Variants in HIVEP3 observed in about 807,000 individuals in gnomAD.
HIVEP3 encodes the protein transcription factor HIVEP3.
Under a neutral mutation model 152.8 loss-of-function variants are expected in HIVEP3, and 49 were observed. That is an observed-to-expected ratio of 0.32 (90% CI 0.26 to 0.41). The LOEUF is 0.41. HIVEP3 is among the 10% of genes least tolerant of loss of function. The pLI, the probability that HIVEP3 is intolerant of heterozygous loss-of-function variation, is 1.00. For missense variants in HIVEP3, 2,790 were observed against 3,103.3 expected, an observed-to-expected ratio of 0.90 and a Z score of 2.40; for synonymous variants, 1,269 against 1,289.0, an observed-to-expected ratio of 0.98 and a Z score of 0.33.
At chr1:41,910,324 A>C (rs1415271987) in intron 1 of HIVEP3, among the ~76,000 whole-genome samples, 1 of 152,018 alleles carries the variant, frequency 6.6e-6, no homozygotes, top group Admixed American at 6.5e-5. Context: ...AATATGGATA[A>C]ATTTCTAGAA....
In HIVEP3 at chr1:41,918,896, T is replaced by C. The variant is rs757144396; in HGVS notation, c.-1284A>G. Among the ~76,000 whole-genome samples, 1 of 152,194 alleles carries C rather than the reference T, an allele frequency of 6.6e-6. No individual in the cohort carries two copies. The highest frequency in any genetic ancestry group is 1.5e-5 in the Non-Finnish European group (1 of 68,040). ...AATCCAGAGCCAACCCATGCCTCGC[T>C]TGTCTTTTCCACTAGGAGTCCAGAC... On this transcript the variant is annotated 5_prime_UTR_variant, in exon 1 of 9. Transcript: ENST00000372583. The surrounding 1 kb of genome is among the most constrained non-coding windows in gnomAD (Gnocchi z 4.3).
chr1:41,722,403 GCCTTCCTT>G lies in HIVEP3; in HGVS notation c.-800-21416_-800-21409del, dbSNP rs374319014. On this transcript the variant is annotated intron_variant, in intron 1 of 8. Transcript: ENST00000372583. The stretch of plus-strand genomic sequence containing the variant: ...GAGATCAGCAAAATAAATTTGGCTG[GCCTTCCTT>G]CCTTCCTTCCTTCCTTCCTTCCTTC... 2.6e-3 allele frequency among the ~76,000 whole-genome samples: 298 copies of G among 113,034 alleles called. 4 individuals are homozygous for G. Among genetic ancestry groups the G allele is most frequent in the Middle Eastern group, 7.9e-3 (2 of 252 alleles). 74.2% of individuals were successfully genotyped at this position (113,034 alleles called of 152,430 possible). A position where few individuals can be genotyped will look rare whatever the true frequency, so the allele number is the denominator to read the frequency against.
chr1:41,524,958 C>A, intron 5 of HIVEP3, 48 bp from the exon 6 acceptor site: 1 of 1,551,032 alleles, frequency 6.4e-7, no homozygotes. Context: ...GGAGAAGAGG[C>A]AGGTTCCCAC....
chr1:41,723,420 C>T (rs986463856), intron 1 of HIVEP3, among the ~76,000 whole-genome samples: 1 of 151,556 alleles, frequency 6.6e-6, no homozygotes, highest in Admixed American at 6.6e-5. Context: ...GTTCTGGTTC[C>T]ATCACAAGAA....
intron 4 of HIVEP3, among the ~76,000 whole-genome samples, chr1:41,577,047 C>T (rs1373146257): frequency 6.6e-6 from 1 of 152,164 alleles, no homozygotes; most frequent in Admixed American, 6.5e-5. Context: ...GACCAAGGTG[C>T]CTCCCACAGG....
In HIVEP3 at chr1:41,509,866, G is replaced by A. The variant is rs116690388; in HGVS notation, c.*585C>T. 1 of 146,966 alleles carries A rather than the reference G, an allele frequency of 6.8e-6. No homozygotes were observed. The highest frequency in any genetic ancestry group is 2.2e-4 in the South Asian group (1 of 4,604). The allele number at this position is 146,966 out of a possible 1,614,324, so 9.1% of individuals were successfully genotyped here. A position where few individuals can be genotyped will look rare whatever the true frequency, so the allele number is the denominator to read the frequency against. ...AAAAAAGGAAAAGATTAGTTTTTCT[G>A]GGCCTGCCTGCTGGGGCCTGGGTGG... On this transcript the variant is annotated 3_prime_UTR_variant, in exon 9 of 9. Transcript: ENST00000372583.
intron 2 of HIVEP3, among the ~76,000 whole-genome samples, chr1:41,631,899 G>A (rs780097592): frequency 5.3e-5 from 8 of 152,152 alleles, no homozygotes; most frequent in Non-Finnish European, 1.2e-4. Context: ...ACAATCTACA[G>A]TTTCCTACCT....
chr1:41,909,225 C>G (rs1029204859), intron 1 of HIVEP3, among the ~76,000 whole-genome samples: 1 of 151,974 alleles, frequency 6.6e-6, no homozygotes, highest in Non-Finnish European at 1.5e-5. Flanking sequence ...AGTGTATTTG[C>G]AAGCAAACAA....
Position 41,584,696 on chromosome 1 carries a change from G to T in HIVEP3, c.102C>A (p.Ser34Arg). ...CTGTGCCGCTGCCTGGGTATGGGAC[G>T]CTGGAAGAAACACTGGTCTGAATGG... ...GEAIQTSVSS[S>R]VPYPGSGTAA... The change falls in exon 4 of 9, where the codon AGC (serine) becomes AGA (arginine). Residue 34 changes from serine to arginine, a missense_variant. Coordinates refer to ENST00000372583, the MANE Select transcript of HIVEP3 (RefSeq NM_024503.5). The surrounding 1 kb of genome is among the most constrained non-coding windows in gnomAD (Gnocchi z 5.2). 1 of 1,564,086 alleles carries T rather than the reference G, an allele frequency of 6.4e-7. No individual in the cohort carries two copies. The highest frequency in any genetic ancestry group is 8.6e-7 in the Non-Finnish European group (1 of 1,157,578).
chr1:41,887,012 C>CA (rs974796070), intron 1 of HIVEP3, among the ~76,000 whole-genome samples: 15 of 150,102 alleles, frequency 1.0e-4, no homozygotes, highest in Admixed American at 2.0e-4. Context: ...GGCAGTAAAA[C>CA]AAAAAAAAGT....
chr1:41,601,263 A>G (rs1362704317), intron 3 of HIVEP3, among the ~76,000 whole-genome samples: 1 of 152,126 alleles, frequency 6.6e-6, no homozygotes, highest in Non-Finnish European at 1.5e-5. Context: ...AAATCACAGA[A>G]TTGTTTTTTC....
chr1:41,515,654 AATG>A (rs1266120378), intron 7 of HIVEP3, among the ~76,000 whole-genome samples: 1 of 152,214 alleles, frequency 6.6e-6, no homozygotes, highest in Non-Finnish European at 1.5e-5. Context: ...ACAGTTTAAA[AATG>A]ATGTGCTGCA....
chr1:41,942,185 T>A (rs1645049333), intron 1 of HIVEP3, among the ~76,000 whole-genome samples: 1 of 152,196 alleles, frequency 6.6e-6, no homozygotes. Context: ...CATCTTTATG[T>A]GGATGTACGA....
intron 5 of HIVEP3, among the ~76,000 whole-genome samples, chr1:41,526,101 G>C (rs550073008): frequency 6.6e-6 from 1 of 151,798 alleles, no homozygotes; most frequent in Non-Finnish European, 1.5e-5. Context: ...GTGTCGGGGC[G>C]GGGGGGCTCC....
chr1:41,707,025 A>C (rs10890162), intron 1 of HIVEP3, among the ~76,000 whole-genome samples: 28,222 of 152,162 alleles, frequency 0.19, 6,663 homozygotes, highest in African/African-American at 0.55. Context: ...GCCAGAGAAT[A>C]TTTTCTTTGA....
At chr1:41,538,646 T>C (rs1259307545) in intron 5 of HIVEP3, among the ~76,000 whole-genome samples, 1 of 152,248 alleles carries the variant, frequency 6.6e-6, no homozygotes, top group East Asian at 1.9e-4. Context: ...GTGGAGGTCC[T>C]GTGGAGTGAC....
chr1:41,919,181 ATATT>A (rs771517744), upstream of HIVEP3, among the ~76,000 whole-genome samples: 8 of 152,070 alleles, frequency 5.3e-5, no homozygotes, highest in Non-Finnish European at 1.2e-4. Context: ...CAAGTCATAA[ATATT>A]TATTGCACTG....
chr1:41,786,982 C>T (rs1439837326), intron 1 of HIVEP3, among the ~76,000 whole-genome samples: 1 of 152,044 alleles, frequency 6.6e-6, no homozygotes, highest in Non-Finnish European at 1.5e-5. Flanking sequence ...AAACTCCTGA[C>T]CTCAAGTGAT....
At chr1:41,687,430 C>T (rs1646130430) in intron 2 of HIVEP3, among the ~76,000 whole-genome samples, 1 of 152,262 alleles carries the variant, frequency 6.6e-6, no homozygotes, top group Admixed American at 6.5e-5. Context: ...CAGATTTCTT[C>T]CAGCTTTCCA....
Sources: allele counts gnomAD v4.1 joint callset (sites outside exome capture counted in the v4.1 genomes callset), GRCh38; gene constraint gnomAD v4.1.1; non-coding constraint Gnocchi (gnomAD v3.1); transcripts MANE v1.5; gene names NCBI Gene and HGNC (gene_info 2026-07-23, HGNC 2026-07-21).